FXYD6: variants seen among roughly 807,000 people sequenced by gnomAD.
The protein encoded by FXYD6 is FXYD domain-containing ion transport regulator 6.
Under a neutral mutation model 16.7 loss-of-function variants are expected in FXYD6, and 7 were observed. That is an observed-to-expected ratio of 0.42 (90% CI 0.24 to 0.79). FXYD6 has a LOEUF of 0.79. FXYD6 is among the 30% of genes least tolerant of loss of function. The probability of loss-of-function intolerance (pLI) is 0.28; values close to 1 mark genes in which losing one functional copy is unlikely to be tolerated. For missense variants in FXYD6, 111 were observed against 116.2 expected, an observed-to-expected ratio of 0.95 and a Z score of 0.21; for synonymous variants, 49 against 43.0, an observed-to-expected ratio of 1.14 and a Z score of -0.54.
At chr11:117,844,614 C>A in intron 1 of FXYD6, among the ~76,000 whole-genome samples, 1 of 152,146 alleles carries the variant, frequency 6.6e-6, no homozygotes, top group Non-Finnish European at 1.5e-5. Context: ...CCTGCTTCTG[C>A]CTCCCAAGGA....
In FXYD6 at chr11:117,838,058, C is replaced by A; in HGVS notation, c.*241G>T. 1 of 664,848 alleles carries A rather than the reference C, an allele frequency of 1.5e-6. No individual in the cohort carries two copies. The highest frequency in any genetic ancestry group is 2.7e-6 in the Non-Finnish European group (1 of 365,148). The allele number at this position is 664,848 out of a possible 1,614,324, so 41.2% of individuals were successfully genotyped here. A position where few individuals can be genotyped will look rare whatever the true frequency, so the allele number is the denominator to read the frequency against. On this transcript the variant is annotated 3_prime_UTR_variant, in exon 8 of 8. Transcript: ENST00000526014. Reference sequence around the variant, plus strand: ...ACACACAGTCACACACACACACACACACACACACATCACGGGAGGTGGGCA... The same window carrying A: ...ACACACAGTCACACACACACACACAAACACACACATCACGGGAGGTGGGCA...
At chr11:117,866,597 T>C (rs1294580142) in intron 1 of FXYD6, among the ~76,000 whole-genome samples, 6 of 152,166 alleles carry the variant, frequency 3.9e-5, no homozygotes, top group Non-Finnish European at 4.4e-5. Context: ...CTGTTACCCA[T>C]TGTCAGATCC....
At chr11:117,860,489 C>T (rs1315813114) in intron 1 of FXYD6, among the ~76,000 whole-genome samples, 1 of 152,200 alleles carries the variant, frequency 6.6e-6, no homozygotes, top group Non-Finnish European at 1.5e-5. Flanking sequence ...GCTAGAGAGA[C>T]AGCAGAATGT....
intron 1 of FXYD6, among the ~76,000 whole-genome samples, chr11:117,875,231 A>C (rs183364045): frequency 9.2e-5 from 14 of 151,878 alleles, no homozygotes; most frequent in Admixed American, 7.2e-4. Context: ...ATGTATATGT[A>C]TGTGTGGTGT....
At chr11:117,846,944 A>G (rs2056484044) in intron 1 of FXYD6, among the ~76,000 whole-genome samples, 2 of 152,198 alleles carry the variant, frequency 1.3e-5, no homozygotes, top group African/African-American at 2.4e-5. Context: ...GGGAACTGCA[A>G]TGGACCTATC....
chr11:117,843,976 C>G (rs931212182), intron 1 of FXYD6: 2 of 152,236 alleles, frequency 1.3e-5, no homozygotes, highest in African/African-American at 4.8e-5. Context: ...AGAGAGGAGA[C>G]AGAGAGGCTT....
At chr11:117,840,270 T>A (rs2056307563) in intron 6 of FXYD6, 49 bp downstream of exon 6, 1 of 1,607,170 alleles carries the variant, frequency 6.2e-7, no homozygotes, top group African/African-American at 1.3e-5. Context: ...CACAGAGGGG[T>A]CTCTCTGTTC....
chr11:117,876,668 G>C (rs1320463853), upstream of FXYD6: 4 of 152,166 alleles, frequency 2.6e-5, no homozygotes, highest in African/African-American at 9.7e-5. Context: ...CGGGGCTGGG[G>C]GCAGGGCGGT....
intron 1 of FXYD6, among the ~76,000 whole-genome samples, chr11:117,865,921 C>CAAA (rs34632455): frequency 1.3e-5 from 2 of 151,118 alleles, no homozygotes; most frequent in East Asian, 1.9e-4. Context: ...GATTCCATCT[C>CAAA]AAAAAAAACA....
In FXYD6 at chr11:117,854,387, G is replaced by A. The variant is rs573455811; in HGVS notation, c.-5-11606C>T. ...CATGTCAATGGCTCTGGGCCACCAG[G>A]GACAATGGGCAGCAGTTCAGGTTGC... On this transcript the variant is annotated intron_variant, in intron 1 of 7. Coordinates refer to ENST00000526014, the MANE Select transcript of FXYD6 (RefSeq NM_022003.4). Among the ~76,000 whole-genome samples the A allele has an allele frequency of 9.9e-5, 15 of 152,246 alleles. No individual in the cohort carries two copies. The South Asian group carries it at 3.1e-3, about 32-fold the overall frequency.
intron 1 of FXYD6, among the ~76,000 whole-genome samples, chr11:117,852,546 C>A (rs975444555): frequency 6.6e-6 from 1 of 152,200 alleles, no homozygotes; most frequent in Non-Finnish European, 1.5e-5. Flanking sequence ...TTCTTCTCTG[C>A]CTCCTTTTAT....
chr11:117,838,268 G>A lies in FXYD6; in HGVS notation c.*31C>T. The A allele has an allele frequency of 1.4e-6, 1 of 702,592 alleles. No homozygotes were observed. The highest frequency in any genetic ancestry group is 2.6e-6 in the Non-Finnish European group (1 of 385,016). The allele number at this position is 702,592 out of a possible 1,614,324, so 43.5% of individuals were successfully genotyped here. A position where few individuals can be genotyped will look rare whatever the true frequency, so the allele number is the denominator to read the frequency against. ...CCAAAGGTTCAAGCAGCCGCCTCAG[G>A]TTCCAGAGGCTGAGGAGGAGGATAA... On this transcript the variant is annotated 3_prime_UTR_variant, in exon 8 of 8. Transcript: ENST00000526014.
intron 1 of FXYD6, chr11:117,869,025 G>C (rs1442767358): frequency 6.6e-6 from 1 of 152,166 alleles, no homozygotes; most frequent in African/African-American, 2.4e-5. Context: ...GTCGACCAGA[G>C]GCCACAGATC....
chr11:117,868,671 C>T (rs1006158), intron 1 of FXYD6, among the ~76,000 whole-genome samples: 138 of 152,154 alleles, frequency 9.1e-4, no homozygotes, highest in Non-Finnish European at 1.5e-3. Flanking sequence ...ATTATTGTAC[C>T]AATATTTGTT....
At chr11:117,850,599 T>C (rs2056586829) in intron 1 of FXYD6, among the ~76,000 whole-genome samples, 1 of 152,230 alleles carries the variant, frequency 6.6e-6, no homozygotes, top group African/African-American at 2.4e-5. Context: ...GTTTTTTCCC[T>C]ATGGGAATGT....
rs1161303996 is a variant in FXYD6, at chr11:117,862,629, T to C, written c.-6+13963A>G. On this transcript the variant is annotated intron_variant, in intron 1 of 7. Coordinates refer to ENST00000526014, the MANE Select transcript of FXYD6 (RefSeq NM_022003.4). ...TGGTCACCATGCCCAATCTTCTTCC[T>C]TCACCAAGGTCATTCAAGGAGAAGC... Among the ~76,000 whole-genome samples, 9 of 152,184 alleles carry C rather than the reference T, an allele frequency of 5.9e-5. 1 individual carries two copies. The highest frequency in any genetic ancestry group is 2.9e-5 in the Non-Finnish European group (2 of 68,034).
At chr11:117,869,577 T>C (rs1043770562) in intron 1 of FXYD6, among the ~76,000 whole-genome samples, 1 of 152,178 alleles carries the variant, frequency 6.6e-6, no homozygotes, top group Non-Finnish European at 1.5e-5. Flanking sequence ...TCTTGTCATA[T>C]AGCAGGGGAC....
chr11:117,860,986 AG>A lies in FXYD6; in HGVS notation c.-6+15605del, dbSNP rs568753702. Among the ~76,000 whole-genome samples the A allele has an allele frequency of 1.8e-3, 276 of 152,358 alleles. 3 individuals are homozygous for A. The East Asian group carries it at 0.02, about 11-fold the overall frequency. ...ATTCAATCCCAAGCAACCTGGCTCC[AG>A]GGTCCTTGCTCTGAGCACTCAGCTC... On this transcript the variant is annotated intron_variant, in intron 1 of 7. Coordinates refer to ENST00000526014, the MANE Select transcript of FXYD6 (RefSeq NM_022003.4).
rs557106736 is a variant in FXYD6 at position 117,837,275 on chromosome 11, C to T, written c.*1024G>A. Reference sequence around the variant, plus strand: ...TGCCTCTGCTGCCCATCTAAGGGGACGTAGGCAGAGAAGCAAAGGCCTCTG... The same window carrying T: ...TGCCTCTGCTGCCCATCTAAGGGGATGTAGGCAGAGAAGCAAAGGCCTCTG... On this transcript the variant is annotated 3_prime_UTR_variant, in exon 8 of 8. Transcript: ENST00000526014. This position sits in a 1 kb window ranked among gnomAD's most constrained non-coding sequence, Gnocchi z 4.4. 1.3e-5 allele frequency: 2 copies of T among 152,334 alleles called. No homozygotes were observed. Among genetic ancestry groups the T allele is most frequent in the South Asian group, 2.1e-4 (1 of 4,814 alleles). 9.4% of individuals were successfully genotyped at this position (152,334 alleles called of 1,614,324 possible). A position where few individuals can be genotyped will look rare whatever the true frequency, so the allele number is the denominator to read the frequency against.
Sources: allele counts gnomAD v4.1 joint callset (sites outside exome capture counted in the v4.1 genomes callset), GRCh38; gene constraint gnomAD v4.1.1; non-coding constraint Gnocchi (gnomAD v3.1); transcripts MANE v1.5; gene names NCBI Gene and HGNC (gene_info 2026-07-23, HGNC 2026-07-21).